Variants in FAM111B observed in about 807,000 individuals in gnomAD.
FAM111B encodes serine protease FAM111B.
A neutral mutation model predicts 2.8 loss-of-function variants in FAM111B; 1 was observed. The observed-to-expected ratio is 0.36, with a 90% CI of 0.13 to 1.70. FAM111B has a LOEUF of 1.70. Ranked by LOEUF, FAM111B falls within the 40% of genes most tolerant of loss-of-function variation. The pLI is 0.35. For synonymous variants in FAM111B, 297 were observed against 295.6 expected (o/e 1.00, Z -0.05); for missense variants, 882 against 878.9 (o/e 1.00, Z -0.04).
chr11:59,121,911 G>A (rs957775645), intron 3 of FAM111B, among the ~76,000 whole-genome samples: 95 of 152,272 alleles, frequency 6.2e-4, no homozygotes, highest in African/African-American at 2.2e-3. Context: ...TTGGGAGGCC[G>A]AGGCAGGTGG....
Position 59,125,363 on chromosome 11 carries a change from A to C in FAM111B, c.1266A>C (p.Arg422Ser). 1.2e-6 allele frequency: 2 copies of C among 1,613,972 alleles called. No homozygotes were observed. The highest frequency in any genetic ancestry group is 1.7e-6 in the Non-Finnish European group (2 of 1,179,846). ...AATATTTTCGGGAAGAACAAAAGAG[A>C]ATGAATCTTTCACCAGCTAAGCAAT... is the stretch of plus-strand genomic sequence containing the variant. ...VRKYFREEQK[R>S]MNLSPAKQFN... is the part of the protein sequence containing the mutation. The change falls in exon 4 of 4, where the codon AGA (arginine) becomes AGC (serine). Residue 422 changes from arginine to serine, a missense_variant. Physicochemically the swap from Arg to Ser is moderately radical, Grantham distance 110. Coordinates refer to ENST00000343597, the MANE Select transcript of FAM111B (RefSeq NM_198947.4).
At chr11:59,109,177 T>G (rs1244736761) in intron 2 of FAM111B, among the ~76,000 whole-genome samples, 6 of 152,200 alleles carry the variant, frequency 3.9e-5, no homozygotes, top group Non-Finnish European at 1.5e-5. Context: ...TCCTGTTCCT[T>G]TTCAACAGTT....
chr11:59,121,543 CTATT>C (rs1456793730), intron 3 of FAM111B, among the ~76,000 whole-genome samples: 2 of 152,128 alleles, frequency 1.3e-5, no homozygotes, highest in African/African-American at 4.8e-5. Flanking sequence ...ATGGCAATAT[CTATT>C]ATAATAAAGA....
chr11:59,119,328 G>A (rs1025386082), intron 3 of FAM111B, among the ~76,000 whole-genome samples: 1 of 152,186 alleles, frequency 6.6e-6, no homozygotes, highest in Non-Finnish European at 1.5e-5. Context: ...CTGCACCATG[G>A]CCTAGAACCT....
chr11:59,123,350 C>A (rs1859952588), intron 3 of FAM111B, among the ~76,000 whole-genome samples: 1 of 152,106 alleles, frequency 6.6e-6, no homozygotes, highest in Admixed American at 6.5e-5. Flanking sequence ...CACTCAAATC[C>A]TTTTAAGGAA....
Position 59,126,316 on chromosome 11 carries a change from T to C in FAM111B, c.*14T>C, listed in dbSNP as rs754081172. The C allele has an allele frequency of 6.7e-7, 1 of 1,488,166 alleles. No homozygotes were observed. The highest frequency in any genetic ancestry group is 1.5e-5 in the South Asian group (1 of 67,582). The allele number at this position is 1,488,166 out of a possible 1,614,324, so 92.2% of individuals were successfully genotyped here. On this transcript the variant is annotated 3_prime_UTR_variant, in exon 4 of 4. Transcript: ENST00000343597. The stretch of plus-strand genomic sequence containing the variant: ...ATGGAATGTTAGAAAAGAGATGCTG[T>C]CTTCAAGAAAATATGCCAATAATTC...
chr11:59,125,318 G>C lies in FAM111B; in HGVS notation c.1221G>C (p.Glu407Asp). The C allele has an allele frequency of 6.2e-7, 1 of 1,613,978 alleles. No homozygotes were observed. The highest frequency in any genetic ancestry group is 8.5e-7 in the Non-Finnish European group (1 of 1,179,866). ...TGCATCAGTATCCGAATTTTAAAGA[G>C]GAGGCACAGTGGGTAAGAAAATATT... is the stretch of plus-strand genomic sequence containing the variant. ...AIMHQYPNFKEEAQWVRKYFR... is the reference protein window; with the variant it reads ...AIMHQYPNFKDEAQWVRKYFR... The change falls in exon 4 of 4, where the codon GAG (glutamate) becomes GAC (aspartate). Residue 407 changes from glutamate (E) to aspartate (D), a missense_variant. Coordinates refer to ENST00000343597, the MANE Select transcript of FAM111B (RefSeq NM_198947.4).
chr11:59,116,360 G>A (rs889143692), intron 3 of FAM111B, among the ~76,000 whole-genome samples: 26 of 152,196 alleles, frequency 1.7e-4, no homozygotes, highest in African/African-American at 5.5e-4. Flanking sequence ...CTCTTACAAC[G>A]CATACAGTGA....
rs995734303 is a variant in FAM111B at position 59,113,848 on chromosome 11, C to T, written c.81+4142C>T. On this transcript the variant is annotated intron_variant, in intron 3 of 3. Transcript: ENST00000343597. ...TAGAGGGAAGTGTTTTCCAATTTGA[C>T]AGAAAACAGAGGGGAGGCATTTGTT... Among the ~76,000 whole-genome samples the T allele has an allele frequency of 5.3e-5, 8 of 152,180 alleles. 1 individual carries two copies. In the South Asian group the frequency reaches 1.7e-3, roughly 32 times the overall value.
intron 3 of FAM111B, among the ~76,000 whole-genome samples, chr11:59,118,082 T>A (rs1395545513): frequency 1.3e-5 from 2 of 152,178 alleles, no homozygotes; most frequent in Non-Finnish European, 2.9e-5. Flanking sequence ...GTTTCACTGG[T>A]TGCAGGAGAG....
At position 59,113,019 on chromosome 11, in the gene FAM111B, A is replaced by G. The variant is rs116378234; in HGVS notation, c.81+3313A>G. On this transcript the variant is annotated intron_variant, in intron 3 of 3. Coordinates refer to ENST00000343597, the MANE Select transcript of FAM111B (RefSeq NM_198947.4). ...AACTTTGATGAAGTCCACTTTCTCT[A>G]TATTTCTCTTTGTGGATCATGCTTT... Among the ~76,000 whole-genome samples the G allele has an allele frequency of 4.2e-3, 635 of 152,280 alleles. 9 individuals are homozygous for G. Among genetic ancestry groups the G allele is most frequent in the African/African-American group, 0.014 (589 of 41,564 alleles).
intron 1 of FAM111B, among the ~76,000 whole-genome samples, chr11:59,107,774 T>G (rs192635522): frequency 8.9e-4 from 136 of 152,246 alleles, no homozygotes; most frequent in African/African-American, 2.5e-3. Flanking sequence ...TCTCCTATTT[T>G]CTGTTGCCAC....
At position 59,125,764 on chromosome 11, in the gene FAM111B, C is replaced by T. The variant is rs556804835; in HGVS notation, c.1667C>T (p.Ala556Val). The T allele has an allele frequency of 7.3e-5, 118 of 1,613,652 alleles. No homozygotes were observed. Among genetic ancestry groups the T allele is most frequent in the Non-Finnish European group, 8.9e-5 (105 of 1,179,824 alleles). The part of the protein sequence containing the change: ...AILKLKENGN[A>V]FPPGLWRQIS... The stretch of plus-strand genomic sequence containing the variant: ...TTAAAACTAAAAGAAAATGGAAATG[C>T]GTTTCCTCCAGGACTATGGCGACAG... The change falls in exon 4 of 4, where the codon GCG becomes GTG. Residue 556 changes from alanine (A) to valine (V), a missense_variant. Transcript: ENST00000343597.
At chr11:59,113,197 G>A (rs1859786051) in intron 3 of FAM111B, among the ~76,000 whole-genome samples, 1 of 81,662 alleles carries the variant, frequency 1.2e-5, no homozygotes, top group South Asian at 3.2e-4. Flanking sequence ...TTGTGTGTTT[G>A]TGTAAATTGT....
intron 3 of FAM111B, chr11:59,110,128 G>A (rs1443270202): frequency 6.6e-6 from 1 of 152,364 alleles, no homozygotes; most frequent in African/African-American, 2.4e-5. Flanking sequence ...GCTTATAGTT[G>A]CAGAAGTAAT....
At position 59,125,011 on chromosome 11, in the gene FAM111B, T is replaced by C. The variant is rs1440587893; in HGVS notation, c.914T>C (p.Val305Ala). ...AGTCTGATACAGTCTAAGAAAAAAG[T>C]CCACAAACCAAAGAAAGATGGAGAG... is the stretch of plus-strand genomic sequence containing the variant. ...HQSLIQSKKK[V>A]HKPKKDGETK... Residue 305 changes from valine (V) to alanine (A), a missense_variant, in exon 4 of 4, where the codon GTC becomes GCC. By Grantham distance (64) the Val-to-Ala change is moderately conservative (BLOSUM62 0). Transcript: ENST00000343597. 1 of 1,612,448 alleles carries C rather than the reference T, an allele frequency of 6.2e-7. No homozygotes were observed. Among genetic ancestry groups the C allele is most frequent in the Non-Finnish European group, 8.5e-7 (1 of 1,179,656 alleles).
rs765908514 is a variant in FAM111B at position 59,125,860 on chromosome 11, A to G, written c.1763A>G (p.Asp588Gly). The change falls in exon 4 of 4, where the codon GAT (aspartate) becomes GGT (glycine). Residue 588 changes from aspartate to glycine, a missense_variant. Transcript: ENST00000343597. The part of the protein sequence containing the change: ...GHPEGQIKKI[D>G]GCTVIPLNER... ...CCTGAAGGCCAGATCAAGAAAATAG[A>G]TGGTTGTACTGTGATTCCTCTAAAC... The G allele has an allele frequency of 1.2e-6, 2 of 1,613,938 alleles. No individual in the cohort carries two copies. The highest frequency in any genetic ancestry group is 1.7e-6 in the Non-Finnish European group (2 of 1,179,856).
Position 59,127,209 on chromosome 11 carries a change from AAAC to A in FAM111B, c.*912_*914del, listed in dbSNP as rs1360881426. ...TGAGTACACATGGACACAAAGAAGAAAACAACAGATATGGGGCCTACTTGAGGG... is the reference window on the plus strand; with the variant it reads ...TGAGTACACATGGACACAAAGAAGAAAACAGATATGGGGCCTACTTGAGGG... On this transcript the variant is annotated 3_prime_UTR_variant, in exon 4 of 4. Transcript: ENST00000343597. 6.6e-6 allele frequency: 1 copy of A among 152,114 alleles called. No individual in the cohort carries two copies. The highest frequency in any genetic ancestry group is 1.5e-5 in the Non-Finnish European group (1 of 67,992). The allele number at this position is 152,114 out of a possible 1,614,324, so 9.4% of individuals were successfully genotyped here. A position where few individuals can be genotyped will look rare whatever the true frequency, so the allele number is the denominator to read the frequency against.
chr11:59,120,484 G>C (rs950754258), intron 3 of FAM111B, among the ~76,000 whole-genome samples: 1 of 152,172 alleles, frequency 6.6e-6, no homozygotes, highest in Non-Finnish European at 1.5e-5. Context: ...TCTCTTAGGG[G>C]TAATAAAGTA....
Sources: gnomAD v4.1 joint callset for allele counts (sites outside exome capture counted in the v4.1 genomes callset) on GRCh38, gnomAD v4.1.1 for gene constraint, MANE v1.5 for transcripts, NCBI Gene and HGNC (gene_info 2026-07-23, HGNC 2026-07-21) for gene names.